Variants in DACH2 observed in about 807,000 individuals in gnomAD.
DACH2 encodes dachshund family transcription factor 2, also known as dachshund homolog 2.
Under a neutral mutation model 35.8 loss-of-function variants are expected in DACH2, and 17 were observed. That is an observed-to-expected ratio of 0.48 (90% confidence interval 0.33 to 0.71). The LOEUF is 0.71. Among genes scored for constraint, DACH2 ranks in the 30% least tolerant of loss-of-function variants. The pLI, the probability that DACH2 is intolerant of heterozygous loss-of-function variation, is 0.02. For synonymous variants in DACH2, 195 were observed against 177.3 expected (o/e 1.10, Z -0.79); for missense variants, 469 against 472.7 (o/e 0.99, Z 0.07).
At chrX:86,473,217 ATATT>A (rs2037787746) in intron 2 of DACH2, among the ~76,000 whole-genome samples, 1 of 110,939 alleles carries the variant, frequency 9.0e-6, no homozygotes, top group Admixed American at 9.6e-5. Context: ...ATTTAAAAAC[ATATT>A]TATATTAATT....
At chrX:86,376,280 G>A (rs980710420) in intron 1 of DACH2, among the ~76,000 whole-genome samples, 1 of 108,647 alleles carries the variant, frequency 9.2e-6, no homozygotes, top group African/African-American at 3.3e-5. Context: ...ATGGCTCCAT[G>A]TTTAGGAAAT....
At chrX:86,713,280 C>A (rs187557425) in intron 5 of DACH2, among the ~76,000 whole-genome samples, 1 of 111,384 alleles carries the variant, frequency 9.0e-6, no homozygotes, top group African/African-American at 3.2e-5. Flanking sequence ...GCGAGAAAAT[C>A]TTTGTCCTAA....
intron 1 of DACH2, among the ~76,000 whole-genome samples, chrX:86,322,727 G>A (rs1297755599): frequency 8.9e-6 from 1 of 112,239 alleles, no homozygotes; most frequent in Non-Finnish European, 1.9e-5. Flanking sequence ...GTACTGGACT[G>A]AGCTTTATAC....
Position 86,180,175 on chromosome X carries a change from C to CATATATATATATATATAT in DACH2, c.488+31067_488+31068insATATATATATATATATAT, listed in dbSNP as rs1569292909. On this transcript the variant is annotated intron_variant, in intron 1 of 11. Transcript: ENST00000373125. Reference sequence around the variant, plus strand: ...ATGTCCCCTAGCAACCATGCTAAACCGTATATATATATATATATATATATA... The same window carrying CATATATATATATATATAT: ...ATGTCCCCTAGCAACCATGCTAAACCATATATATATATATATATGTATATATATATATATATATATATA... 2.8e-3 allele frequency among the ~76,000 whole-genome samples: 43 copies of CATATATATATATATATAT among 15,583 alleles called. 5 individuals carry two copies. The highest frequency in any genetic ancestry group is 8.9e-3 in the African/African-American group (37 of 4,164). The allele number at this position is 15,583 out of a possible 115,157, so 13.5% of individuals were successfully genotyped here. A position where few individuals can be genotyped will look rare whatever the true frequency, so the allele number is the denominator to read the frequency against.
chrX:86,686,785 A>T, intron 4 of DACH2, among the ~76,000 whole-genome samples: 1 of 112,000 alleles, frequency 8.9e-6, no homozygotes, highest in Non-Finnish European at 1.9e-5. Context: ...CACACTCAGC[A>T]GGTCATATGG....
chrX:86,821,324 G>T (rs1398184907), intron 11 of DACH2, among the ~76,000 whole-genome samples: 1 of 111,066 alleles, frequency 9.0e-6, no homozygotes, highest in African/African-American at 3.3e-5. Context: ...GTGGGAAGTA[G>T]GTCTTAAAAA....
At chrX:86,778,153 C>T (rs1385013199) in intron 7 of DACH2, among the ~76,000 whole-genome samples, 2 of 111,038 alleles carry the variant, frequency 1.8e-5, no homozygotes, top group Admixed American at 1.9e-4. Context: ...GCATATATAC[C>T]CAGTATTGGT....
chrX:86,315,027 A>G (rs939718890), intron 1 of DACH2, among the ~76,000 whole-genome samples: 8 of 112,449 alleles, frequency 7.1e-5, no homozygotes, highest in African/African-American at 9.7e-5. Context: ...TCATAGGGGA[A>G]AAACATGCTG....
At chrX:86,823,039 G>A (rs1243036052) in intron 11 of DACH2, among the ~76,000 whole-genome samples, 1 of 110,953 alleles carries the variant, frequency 9.0e-6, no homozygotes, top group African/African-American at 3.3e-5. Flanking sequence ...TGCGACCTCT[G>A]CCTCTCAAGT....
At chrX:86,311,576 G>T (rs771411017) in intron 1 of DACH2, among the ~76,000 whole-genome samples, 1 of 110,995 alleles carries the variant, frequency 9.0e-6, no homozygotes, top group East Asian at 2.9e-4. Context: ...GGTGGAAGTG[G>T]AAGTGGCACC....
chrX:86,659,502 CTTA>C (rs988440381), intron 4 of DACH2, among the ~76,000 whole-genome samples: 1 of 111,225 alleles, frequency 9.0e-6, no homozygotes, highest in African/African-American at 3.3e-5. Context: ...CCTTATAGAT[CTTA>C]TTAGCCAACA....
intron 1 of DACH2, among the ~76,000 whole-genome samples, chrX:86,343,039 G>C (rs2035438879): frequency 9.0e-6 from 1 of 111,650 alleles, no homozygotes; most frequent in African/African-American, 3.3e-5. Flanking sequence ...CACTTTAGTA[G>C]ACTGCAGTAT....
chrX:86,659,943 T>G (rs1255680783), intron 4 of DACH2, among the ~76,000 whole-genome samples: 1 of 111,219 alleles, frequency 9.0e-6, no homozygotes, highest in East Asian at 2.8e-4. Flanking sequence ...TACAGAATCT[T>G]TCACTTAGTG....
chrX:86,249,916 C>G (rs2033364938), intron 1 of DACH2, among the ~76,000 whole-genome samples: 1 of 111,221 alleles, frequency 9.0e-6, no homozygotes, highest in African/African-American at 3.3e-5. Context: ...TTGGATGGAG[C>G]TGGAGGTTAT....
intron 2 of DACH2, among the ~76,000 whole-genome samples, chrX:86,464,009 G>C (rs1376205072): frequency 1.8e-5 from 2 of 111,491 alleles, no homozygotes; most frequent in African/African-American, 6.5e-5. Flanking sequence ...TCATTAAAAA[G>C]TCAAGAAACA....
chrX:86,180,934 G>A (rs765415303), intron 1 of DACH2, among the ~76,000 whole-genome samples: 1 of 110,868 alleles, frequency 9.0e-6, no homozygotes, highest in Non-Finnish European at 1.9e-5. Context: ...TTGCCTCCAT[G>A]GTTGCACCAA....
intron 3 of DACH2, among the ~76,000 whole-genome samples, chrX:86,565,088 A>G (rs2039277321): frequency 9.0e-6 from 1 of 111,367 alleles, no homozygotes; most frequent in Non-Finnish European, 1.9e-5. Context: ...AATTCTCTGC[A>G]TGATGTAAAA....
intron 7 of DACH2, among the ~76,000 whole-genome samples, chrX:86,765,698 GTTTTTTTTTTTTTT>G (rs60709865): frequency 4.1e-5 from 1 of 24,637 alleles, no homozygotes; most frequent in Non-Finnish European, 6.5e-5. Context: ...TTGTTTTTTG[GTTTTTTTTTTTTTT>G]TTTTTTTTTT....
intron 1 of DACH2, among the ~76,000 whole-genome samples, chrX:86,178,085 G>A (rs1010536795): frequency 8.9e-6 from 1 of 111,820 alleles, no homozygotes; most frequent in Non-Finnish European, 1.9e-5. Flanking sequence ...AGAATCATTG[G>A]CAGGTTTGTT....
Sources: allele counts gnomAD v4.1 joint callset (sites outside exome capture counted in the v4.1 genomes callset), GRCh38; gene constraint gnomAD v4.1.1; transcripts MANE v1.5; gene names NCBI Gene and HGNC (gene_info 2026-07-23, HGNC 2026-07-21).